PRKG1: variants seen among roughly 807,000 people sequenced by gnomAD.
The protein encoded by PRKG1 is protein kinase cGMP-dependent 1.
PRKG1 carries 35 observed loss-of-function variants against 88.1 expected under a neutral mutation model. The observed-to-expected ratio is 0.40, with a 90% CI of 0.30 to 0.53. The LOEUF (loss-of-function observed/expected upper bound fraction) is 0.53. PRKG1 is among the 20% of genes least tolerant of loss of function. PRKG1 has a pLI of 0.59. For synonymous variants in PRKG1, 303 were observed against 292.5 expected (o/e 1.04, Z -0.37); for missense variants, 540 against 839.8 (o/e 0.64, Z 4.41).
At chr10:52,185,375 A>G (rs1180717520) in intron 9 of PRKG1, among the ~76,000 whole-genome samples, 4 of 152,222 alleles carry the variant, frequency 2.6e-5, no homozygotes, top group Non-Finnish European at 4.4e-5. Context: ...CACTAGTGCA[A>G]GAAATGGTCT....
At chr10:51,690,747 G>A (rs965998007) in intron 3 of PRKG1, among the ~76,000 whole-genome samples, 1 of 151,864 alleles carries the variant, frequency 6.6e-6, no homozygotes, top group African/African-American at 2.4e-5. Flanking sequence ...CCAATATGGT[G>A]AAACCCCGTC....
intron 9 of PRKG1, among the ~76,000 whole-genome samples, chr10:52,180,164 G>T (rs1218832202): frequency 1.3e-5 from 2 of 152,114 alleles, no homozygotes; most frequent in African/African-American, 4.8e-5. Context: ...CTGTCTCCAA[G>T]ATCAGAAATT....
At chr10:51,642,459 T>C (rs1234196081) in intron 3 of PRKG1, among the ~76,000 whole-genome samples, 1 of 152,190 alleles carries the variant, frequency 6.6e-6, no homozygotes, top group Admixed American at 6.5e-5. Context: ...GCACCATTAG[T>C]CCTGTCACTG....
At chr10:51,090,726 T>C (rs1844379294) in intron 1 of PRKG1, among the ~76,000 whole-genome samples, 1 of 152,230 alleles carries the variant, frequency 6.6e-6, no homozygotes, top group African/African-American at 2.4e-5. Flanking sequence ...ATTTTAACAT[T>C]TGCAGCCACT....
intron 3 of PRKG1, among the ~76,000 whole-genome samples, chr10:51,745,413 T>C (rs1282910803): frequency 3.3e-5 from 5 of 152,162 alleles, no homozygotes; most frequent in Non-Finnish European, 5.9e-5. Flanking sequence ...ACCCATGATG[T>C]TTTTAAAAGT....
At chr10:51,800,299 C>G (rs1339513364) in intron 3 of PRKG1, among the ~76,000 whole-genome samples, 1 of 152,040 alleles carries the variant, frequency 6.6e-6, no homozygotes, top group Admixed American at 6.6e-5. Context: ...ACTATTGTAA[C>G]AAATACAGAT....
intron 3 of PRKG1, among the ~76,000 whole-genome samples, chr10:51,475,512 A>C (rs900807690): frequency 1.3e-5 from 2 of 152,054 alleles, no homozygotes; most frequent in Non-Finnish European, 2.9e-5. Flanking sequence ...GTCTATATTG[A>C]GGAATTTAAA....
intron 1 of PRKG1, among the ~76,000 whole-genome samples, chr10:51,119,476 T>C (rs940407746): frequency 6.6e-6 from 1 of 152,050 alleles, no homozygotes; most frequent in African/African-American, 2.4e-5. Context: ...TGTGTACAGT[T>C]AAATATGCTT....
chr10:51,333,376 T>C (rs1182119423), intron 2 of PRKG1, among the ~76,000 whole-genome samples: 6 of 152,250 alleles, frequency 3.9e-5, no homozygotes, highest in Non-Finnish European at 8.8e-5. Context: ...TAGTAGTCTC[T>C]ACAATATAAC....
At chr10:51,206,052 G>A (rs1439267680) in intron 2 of PRKG1, among the ~76,000 whole-genome samples, 1 of 152,148 alleles carries the variant, frequency 6.6e-6, no homozygotes, top group South Asian at 2.1e-4. Flanking sequence ...AGAAGCAGCA[G>A]GGTAAACAGT....
rs572409742 is a variant in PRKG1, at chr10:51,117,304, G to A, written c.312-35860G>A. The stretch of plus-strand genomic sequence containing the variant: ...AGTATGGTGAAATTCTCCTTATTGG[G>A]AAAGTCCATAATGGTGTTACATTCT... On this transcript the variant is annotated intron_variant, in intron 1 of 17. Transcript: ENST00000373980. 2.6e-5 allele frequency among the ~76,000 whole-genome samples: 4 copies of A among 152,228 alleles called. No homozygotes were observed. In the East Asian group the frequency reaches 7.7e-4, roughly 29 times the overall value.
chr10:51,280,223 T>C (rs4554831), intron 2 of PRKG1, among the ~76,000 whole-genome samples: 21,319 of 152,222 alleles, frequency 0.14, 1,603 homozygotes, highest in East Asian at 0.19. Context: ...CTTGTAGAGT[T>C]TCTGCTGAGA....
At chr10:52,037,544 A>G (rs557609714) in intron 5 of PRKG1, among the ~76,000 whole-genome samples, 3 of 152,322 alleles carry the variant, frequency 2.0e-5, no homozygotes, top group African/African-American at 7.2e-5. Flanking sequence ...GCTGCCAAAC[A>G]AGTCATGAAC....
intron 3 of PRKG1, among the ~76,000 whole-genome samples, chr10:51,513,830 G>A (rs1362505365): frequency 1.7e-5 from 1 of 59,242 alleles, no homozygotes; most frequent in Non-Finnish European, 2.9e-5. Context: ...CAGAATCTCT[G>A]GGACGCATTC....
At chr10:52,097,695 A>G (rs1160247282) in intron 7 of PRKG1, among the ~76,000 whole-genome samples, 1 of 152,088 alleles carries the variant, frequency 6.6e-6, no homozygotes, top group East Asian at 1.9e-4. Flanking sequence ...ATGTCTTCAC[A>G]AGATTAGGTA....
At chr10:51,549,650 A>T (rs1842533635) in intron 3 of PRKG1, among the ~76,000 whole-genome samples, 1 of 152,144 alleles carries the variant, frequency 6.6e-6, no homozygotes. Context: ...TAACATTTTC[A>T]TGTGACCTAA....
chr10:51,105,136 G>A (rs192244309), intron 1 of PRKG1, among the ~76,000 whole-genome samples: 30 of 152,330 alleles, frequency 2.0e-4, no homozygotes, highest in African/African-American at 5.8e-4. Context: ...CTCCCAAAGT[G>A]CTGTGATTGC....
intron 4 of PRKG1, among the ~76,000 whole-genome samples, chr10:51,893,157 G>C (rs1841764219): frequency 6.6e-6 from 1 of 152,028 alleles, no homozygotes; most frequent in Admixed American, 6.6e-5. Flanking sequence ...TCTGACAGGA[G>C]CACCAGAGTA....
At chr10:51,917,737 A>G (rs939274834) in intron 5 of PRKG1, among the ~76,000 whole-genome samples, 5 of 152,216 alleles carry the variant, frequency 3.3e-5, no homozygotes, top group Non-Finnish European at 7.3e-5. Flanking sequence ...TTAACTTTTT[A>G]GCATCTATCT....
Sources: allele counts gnomAD v4.1 joint callset (sites outside exome capture counted in the v4.1 genomes callset), GRCh38; gene constraint gnomAD v4.1.1; transcripts MANE v1.5; gene names NCBI Gene and HGNC (gene_info 2026-07-23, HGNC 2026-07-21).